ZNF761: variants seen among roughly 807,000 people sequenced by gnomAD.
ZNF761 encodes zinc finger protein 761.
Under a neutral mutation model 59.9 loss-of-function variants are expected in ZNF761, and 43 were observed. That is an observed-to-expected ratio of 0.72 (90% CI 0.56 to 0.92). The LOEUF is 0.92. ZNF761 is among the 40% of genes least tolerant of loss of function. The pLI is 0.00. For missense variants in ZNF761, 850 were observed against 906.1 expected (o/e 0.94, Z 0.79); for synonymous variants, 294 against 304.8 (o/e 0.96, Z 0.37).
At chr19:53,432,637 T>A (rs751836741) in intron 1 of ZNF761, among the ~76,000 whole-genome samples, 2 of 151,998 alleles carry the variant, frequency 1.3e-5, no homozygotes, top group African/African-American at 4.8e-5. Flanking sequence ...GGCGTCTTAC[T>A]CCAAACCCTC....
At chr19:53,441,978 G>T (rs1473423009) in intron 1 of ZNF761, 5 of 1,367,452 alleles carry the variant, frequency 3.7e-6, no homozygotes, top group Admixed American at 3.5e-5. Flanking sequence ...GAGGGAAAAA[G>T]GTGGGCCTGG....
rs192165462 is a variant in ZNF761 at position 53,444,955 on chromosome 19, A to T, written c.-184-1272A>T. On this transcript the variant is annotated intron_variant, in intron 1 of 4. Transcript: ENST00000684525. ...CAACATGGAACGCTGTTCTAAAAGCACCCATGATTCTTTTTTTTCTTTTTT... is the reference window on the plus strand; with the variant it reads ...CAACATGGAACGCTGTTCTAAAAGCTCCCATGATTCTTTTTTTTCTTTTTT... 1.9e-3 allele frequency: 285 copies of T among 147,452 alleles called. 1 individual carries two copies. The highest frequency in any genetic ancestry group is 2.9e-3 in the Non-Finnish European group (198 of 67,270). 9.1% of individuals were successfully genotyped at this position (147,452 alleles called of 1,614,324 possible).
chr19:53,453,749 G>A (rs1256994295), intron 4 of ZNF761, among the ~76,000 whole-genome samples: 1 of 152,072 alleles, frequency 6.6e-6, no homozygotes, highest in Non-Finnish European at 1.5e-5. Flanking sequence ...GGTGGTGTGT[G>A]CCTGTAATCC....
intron 3 of ZNF761, among the ~76,000 whole-genome samples, chr19:53,449,003 C>G (rs150342447): frequency 9.2e-5 from 14 of 152,216 alleles, no homozygotes; most frequent in African/African-American, 2.9e-4. Context: ...CGTACTCTGT[C>G]TCATCTAGAT....
chr19:53,450,030 C>T (rs1414748476), intron 4 of ZNF761: 17 of 437,090 alleles, frequency 3.9e-5, no homozygotes, highest in Non-Finnish European at 5.2e-5. Context: ...TGTGGCCGGG[C>T]TTGGTGGCTC....
chr19:53,439,270 CA>C (rs71185881), intron 1 of ZNF761, among the ~76,000 whole-genome samples: 108 of 132,822 alleles, frequency 8.1e-4, no homozygotes, highest in Admixed American at 7.5e-4. Flanking sequence ...GACTCTGACT[CA>C]AAAAAAAAAA....
rs1289471501 is a variant in ZNF761 at position 53,455,592 on chromosome 19, C to G, written c.1085C>G (p.Thr362Ser). ...TACAAGTGTAATGAGTGTGGCAAGA[C>G]CTTTAGTCACAAGTCATCCCTTACA... ...KPYKCNECGK[T>S]FSHKSSLTCH... Residue 362 changes from threonine to serine, a missense_variant, in exon 5 of 5, where the codon ACC becomes AGC. Transcript: ENST00000684525. 1.2e-6 allele frequency: 2 copies of G among 1,613,922 alleles called. No individual in the cohort carries two copies. Among genetic ancestry groups the G allele is most frequent in the Non-Finnish European group, 1.7e-6 (2 of 1,179,964 alleles).
In ZNF761 at chr19:53,456,749, T is replaced by A; in HGVS notation, c.*1T>A. The A allele has an allele frequency of 6.2e-7, 1 of 1,613,080 alleles. No homozygotes were observed. The highest frequency in any genetic ancestry group is 8.5e-7 in the Non-Finnish European group (1 of 1,179,424). ...TCATACTGGAGAAAAACAAGTGTAA[T>A]GAATGTGGTGAGGTTTTTAATCAAC... On this transcript the variant is annotated 3_prime_UTR_variant, in exon 5 of 5. Transcript: ENST00000684525.
intron 1 of ZNF761, chr19:53,445,405 T>G (rs2086146055): frequency 6.6e-6 from 1 of 152,184 alleles, no homozygotes; most frequent in South Asian, 2.1e-4. Flanking sequence ...AGCCTTCCCA[T>G]TAGCCCTTCC....
intron 1 of ZNF761, among the ~76,000 whole-genome samples, chr19:53,434,223 A>G (rs937824611): frequency 1.3e-5 from 2 of 152,188 alleles, no homozygotes; most frequent in Non-Finnish European, 2.9e-5. Context: ...TTAGTCTTTC[A>G]GGAGGCAAAT....
At position 53,455,876 on chromosome 19, in the gene ZNF761, C is replaced by A. The variant is rs758831420; in HGVS notation, c.1369C>A (p.Arg457Ser). Residue 457 changes from arginine (R) to serine (S), a missense_variant, in exon 5 of 5, where the codon CGT becomes AGT. Transcript: ENST00000684525. ...FSRTSSLTCH[R>S]RRHTGEQPYK... The stretch of plus-strand genomic sequence containing the variant: ...CCGGACATCATCCCTTACATGCCAT[C>A]GTAGACGTCATACTGGAGAGCAACC... The A allele has an allele frequency of 6.2e-7, 1 of 1,613,622 alleles. No individual in the cohort carries two copies. The highest frequency in any genetic ancestry group is 1.3e-5 in the African/African-American group (1 of 74,904).
intron 3 of ZNF761, among the ~76,000 whole-genome samples, chr19:53,448,151 G>A (rs1204891443): frequency 2.0e-5 from 3 of 152,030 alleles, no homozygotes; most frequent in Non-Finnish European, 2.9e-5. Context: ...ATAGGCGTGC[G>A]TCACCACGCC....
chr19:53,450,041 A>T, intron 4 of ZNF761: 1 of 420,098 alleles, frequency 2.4e-6, no homozygotes, highest in East Asian at 3.6e-5. Flanking sequence ...TTGGTGGCTC[A>T]CGCCTGTAAT....
intron 4 of ZNF761, 112 bp downstream of exon 4, chr19:53,449,750 G>A (rs908704598): frequency 5.5e-5 from 85 of 1,558,804 alleles, no homozygotes; most frequent in Non-Finnish European, 7.2e-5. Flanking sequence ...GTGCAATGGT[G>A]TGATCATGGC....
At chr19:53,432,702 C>T (rs1248823678) in intron 1 of ZNF761, among the ~76,000 whole-genome samples, 1 of 151,918 alleles carries the variant, frequency 6.6e-6, no homozygotes, top group African/African-American at 2.4e-5. Flanking sequence ...AGTGGAAAAC[C>T]TGAGACAGAA....
Position 53,455,755 on chromosome 19 carries a change from CA to C in ZNF761, c.1251del (p.Ala418LeufsTer146). On this transcript the variant is annotated frameshift_variant, in exon 5 of 5. Coordinates refer to ENST00000684525, the MANE Select transcript of ZNF761 (RefSeq NM_001289951.2). LOFTEE classifies it high-confidence loss of function. Reference protein sequence around the residue: ...EKPYKCEECDKAYSFRSNFEI... With the variant: ...EKPYKCEECDXAYSFRSNFEI... ...AACCTTACAAATGTGAAGAATGTGA[CA>C]AAGCTTACAGTTTCAGATCAAATTT... 1 of 1,613,948 alleles carries C rather than the reference CA, an allele frequency of 6.2e-7. No individual in the cohort carries two copies. Among genetic ancestry groups the C allele is most frequent in the Non-Finnish European group, 8.5e-7 (1 of 1,179,998 alleles).
intron 4 of ZNF761, 29 bp from the exon 5 acceptor site, chr19:53,454,621 T>G (rs764503301): frequency 1.9e-6 from 3 of 1,545,010 alleles, no homozygotes; most frequent in African/African-American, 2.8e-5. Context: ...GTACTTAATT[T>G]GAAAGCTTTC....
Position 53,454,637 on chromosome 19 carries a change from TTA to T in ZNF761, c.143-11_143-10del. ...TACTTAATTTGAAAGCTTTCGGTGT[TTA>T]TGTTTTGTAGATATCTCTTCCAAAT... On this transcript the variant is annotated splice_polypyrimidine_tract_variant and intron_variant, in intron 4 of 4. Transcript: ENST00000684525. 1 of 1,566,668 alleles carries T rather than the reference TTA, an allele frequency of 6.4e-7. No individual in the cohort carries two copies. The highest frequency in any genetic ancestry group is 8.6e-7 in the Non-Finnish European group (1 of 1,157,476).
intron 1 of ZNF761, among the ~76,000 whole-genome samples, chr19:53,433,591 AG>A (rs1363893153): frequency 6.6e-6 from 1 of 152,180 alleles, no homozygotes; most frequent in Non-Finnish European, 1.5e-5. Context: ...TTTCTCCCTT[AG>A]ATGCCTTTTA....
Sources: allele counts gnomAD v4.1 joint callset (sites outside exome capture counted in the v4.1 genomes callset), GRCh38; gene constraint gnomAD v4.1.1; transcripts MANE v1.5; gene names NCBI Gene and HGNC (gene_info 2026-07-23, HGNC 2026-07-21).